BAG4: variants seen among roughly 807,000 people sequenced by gnomAD.
The protein encoded by BAG4 is BAG cochaperone 4.
Under a neutral mutation model 52.1 loss-of-function variants are expected in BAG4, and 28 were observed. That is an observed-to-expected ratio of 0.54 (90% CI 0.40 to 0.74). The LOEUF is 0.74. BAG4 is among the 30% of genes least tolerant of loss of function. BAG4 has a pLI of 0.00. For missense variants in BAG4, 525 were observed against 572.0 expected (o/e 0.92, Z 0.84); for synonymous variants, 208 against 217.0 (o/e 0.96, Z 0.37).
At chr8:38,185,579 A>G (rs1292379772) in intron 1 of BAG4, among the ~76,000 whole-genome samples, 1 of 152,048 alleles carries the variant, frequency 6.6e-6, no homozygotes, top group East Asian at 1.9e-4. Flanking sequence ...TTTTTTAGAC[A>G]GAGTCTCGCT....
intron 1 of BAG4, among the ~76,000 whole-genome samples, chr8:38,182,258 T>C (rs952206082): frequency 6.6e-6 from 1 of 152,254 alleles, no homozygotes; most frequent in African/African-American, 2.4e-5. Context: ...AAATAACTTA[T>C]GTACTTTACT....
chr8:38,194,409 CTT>C (rs750931003), intron 2 of BAG4, among the ~76,000 whole-genome samples: 2 of 78,612 alleles, frequency 2.5e-5, no homozygotes, highest in South Asian at 4.2e-4. Flanking sequence ...TAGGTGTGTA[CTT>C]TTTTTTTTTT....
chr8:38,182,033 A>T (rs1056434302), intron 1 of BAG4, among the ~76,000 whole-genome samples: 1 of 151,674 alleles, frequency 6.6e-6, no homozygotes, highest in Non-Finnish European at 1.5e-5. Flanking sequence ...TTCGTGGTGG[A>T]GTAGGAAGCT....
In BAG4 at chr8:38,207,560, G is replaced by C. The variant is rs770204996; in HGVS notation, c.427G>C (p.Gly143Arg). 6.2e-7 allele frequency: 1 copy of C among 1,613,880 alleles called. No individual in the cohort carries two copies. The highest frequency in any genetic ancestry group is 1.1e-5 in the South Asian group (1 of 91,070). Residue 143 changes from glycine to arginine, a missense_variant, in exon 3 of 5, where the codon GGC becomes CGC. Physicochemically the swap from Gly to Arg is moderately radical, Grantham distance 125. Around this residue, in one of 2 missense-constraint regions of BAG4, gnomAD observed 287 missense variants for 266.1 expected, o/e 1.08. Coordinates refer to ENST00000287322, the MANE Select transcript of BAG4 (RefSeq NM_004874.4). Reference sequence around the variant, plus strand: ...AGCGTATGGTCCAACATACCCCCCAGGCCCTGGGGCAAATACTGCCTCATA... The same window carrying C: ...AGCGTATGGTCCAACATACCCCCCACGCCCTGGGGCAAATACTGCCTCATA... ...NGAYGPTYPP[G>R]PGANTASYSG...
chr8:38,194,750 T>C (rs1270914552), intron 2 of BAG4, among the ~76,000 whole-genome samples: 3 of 151,760 alleles, frequency 2.0e-5, no homozygotes, highest in East Asian at 1.9e-4. Context: ...GCCAAATTAC[T>C]TTTCAAAATG....
chr8:38,202,058 TA>T (rs1169793109), intron 2 of BAG4: 2 of 151,516 alleles, frequency 1.3e-5, no homozygotes, highest in Non-Finnish European at 2.9e-5. Context: ...ATTCTTTAAC[TA>T]ATAGTGTGGA....
intron 1 of BAG4, among the ~76,000 whole-genome samples, chr8:38,182,635 G>A (rs541645858): frequency 8.5e-5 from 13 of 152,212 alleles, no homozygotes; most frequent in African/African-American, 3.1e-4. Context: ...GAAAGAGTTA[G>A]GCACATGATA....
intron 1 of BAG4, among the ~76,000 whole-genome samples, chr8:38,190,617 T>TTC (rs397891482): frequency 1.3e-5 from 2 of 151,094 alleles, no homozygotes; most frequent in African/African-American, 4.9e-5. Flanking sequence ...TTTTTTTTTT[T>TTC]GGGTAAAGAC....
In BAG4 at chr8:38,181,756, T is replaced by C. The variant is rs116877418; in HGVS notation, c.270+4617T>C. Among the ~76,000 whole-genome samples, 85 of 150,980 alleles carry C rather than the reference T, an allele frequency of 5.6e-4. No individual in the cohort carries two copies. The East Asian group carries it at 0.014, about 25-fold the overall frequency. On this transcript the variant is annotated intron_variant, in intron 1 of 4. Coordinates refer to ENST00000287322, the MANE Select transcript of BAG4 (RefSeq NM_004874.4). ...TGTCCCAGAAAAAGAAAAACAAAAA[T>C]TAGCCGGGCGTGGTGGCGGGCGCCT...
At chr8:38,178,268 C>T (rs1338665289) in intron 1 of BAG4, among the ~76,000 whole-genome samples, 1 of 151,868 alleles carries the variant, frequency 6.6e-6, no homozygotes, top group Admixed American at 6.6e-5. Flanking sequence ...GATTCTCCTG[C>T]CTCAGCCTCT....
At chr8:38,189,044 G>A (rs2130670255) in intron 1 of BAG4, among the ~76,000 whole-genome samples, 1 of 150,404 alleles carries the variant, frequency 6.6e-6, no homozygotes, top group Middle Eastern at 3.5e-3. Flanking sequence ...CTACACCTCT[G>A]CTTCCTGGGT....
chr8:38,201,298 A>G lies in BAG4; in HGVS notation c.379-6214A>G, dbSNP rs565389404. On this transcript the variant is annotated intron_variant, in intron 2 of 4. Transcript: ENST00000287322. ...GCGAAACATCACATGGGGATTATAC[A>G]TTTATCATCATCTTTTTTTTGTTTG... is the stretch of plus-strand genomic sequence containing the variant. 1.2e-4 allele frequency among the ~76,000 whole-genome samples: 18 copies of G among 152,254 alleles called. No homozygotes were observed. In the South Asian group the frequency reaches 2.7e-3, roughly 23 times the overall value.
At position 38,191,760 on chromosome 8, in the gene BAG4, C is replaced by CAA. The variant is rs35851034; in HGVS notation, c.271-907_271-906dup. 5.2e-3 allele frequency among the ~76,000 whole-genome samples: 369 copies of CAA among 71,218 alleles called. 1 individual carries two copies. Among genetic ancestry groups the CAA allele is most frequent in the East Asian group, 0.015 (43 of 2,856 alleles). The allele number at this position is 71,218 out of a possible 152,430, so 46.7% of individuals were successfully genotyped here. On this transcript the variant is annotated intron_variant, in intron 1 of 4. Transcript: ENST00000287322. ...GGGCAACAAGAGCGAAACTCTGTCTCAAAAAAAAAAAAAAAAAAAAAACCC... is the reference window on the plus strand; with the variant it reads ...GGGCAACAAGAGCGAAACTCTGTCTCAAAAAAAAAAAAAAAAAAAAAAAACCC...
intron 2 of BAG4, among the ~76,000 whole-genome samples, chr8:38,193,785 C>T (rs909412895): frequency 6.6e-6 from 1 of 150,392 alleles, no homozygotes; most frequent in African/African-American, 2.5e-5. Flanking sequence ...TGTCGCCAGG[C>T]TGGAGTGCAG....
Position 38,192,710 on chromosome 8 carries a change from A to G in BAG4, c.293A>G (p.Tyr98Cys), listed in dbSNP as rs537121062. ...SHQEQPPYPSYNSNYWNSTAR... is the reference protein window; with the variant it reads ...SHQEQPPYPSCNSNYWNSTAR... ...TAGGAGCAGCCACCATATCCTAGCT[A>G]CAATTCTAACTATTGGAATTCTACT... is the stretch of plus-strand genomic sequence containing the variant. Residue 98 changes from tyrosine (Y) to cysteine (C), a missense_variant, in exon 2 of 5, where the codon TAC becomes TGC. Tyr to Cys is a radical substitution (Grantham distance 194, BLOSUM62 -2). Around this residue, in one of 2 missense-constraint regions of BAG4, gnomAD observed 287 missense variants for 266.1 expected, o/e 1.08. Transcript: ENST00000287322. The G allele has an allele frequency of 2.5e-4, 398 of 1,612,214 alleles. 4 individuals are homozygous for G. In the South Asian group the frequency reaches 4.0e-3, roughly 16 times the overall value.
intron 2 of BAG4, among the ~76,000 whole-genome samples, chr8:38,194,062 G>A (rs1803522482): frequency 6.6e-6 from 1 of 152,032 alleles, no homozygotes; most frequent in Non-Finnish European, 1.5e-5. Flanking sequence ...AGTAGAGATG[G>A]GGTTTCACCA....
intron 2 of BAG4, 63 bp downstream of exon 2, chr8:38,192,858 C>T (rs1803498818): frequency 7.5e-7 from 1 of 1,326,404 alleles, no homozygotes; most frequent in Admixed American, 2.3e-5. Context: ...TTTTCAAAAC[C>T]TGTGCAGATT....
chr8:38,212,637 T>C lies in BAG4; in HGVS notation c.*2144T>C, dbSNP rs1199675074. ...CATGCCTACGTCCTGTCTTCCAGTCTGTGACAGTGTATCATAACAGGGGAT... is the reference window on the plus strand; with the variant it reads ...CATGCCTACGTCCTGTCTTCCAGTCCGTGACAGTGTATCATAACAGGGGAT... On this transcript the variant is annotated 3_prime_UTR_variant, in exon 5 of 5. Coordinates refer to ENST00000287322, the MANE Select transcript of BAG4 (RefSeq NM_004874.4). 1.3e-5 allele frequency: 2 copies of C among 152,246 alleles called. No individual in the cohort carries two copies. Among genetic ancestry groups the C allele is most frequent in the Non-Finnish European group, 2.9e-5 (2 of 68,032 alleles). 9.4% of individuals were successfully genotyped at this position (152,246 alleles called of 1,614,324 possible). A position where few individuals can be genotyped will look rare whatever the true frequency, so the allele number is the denominator to read the frequency against.
At chr8:38,188,912 A>G (rs145558780) in intron 1 of BAG4, among the ~76,000 whole-genome samples, 3,000 of 148,272 alleles carry the variant, frequency 0.02, 87 homozygotes, top group African/African-American at 0.071. Context: ...TCCTGCCTCA[A>G]CCTCCCAAGT....
Sources: allele counts gnomAD v4.1 joint callset (sites outside exome capture counted in the v4.1 genomes callset), GRCh38; gene constraint gnomAD v4.1.1; regional missense constraint gnomAD v4.1.1; transcripts MANE v1.5; gene names NCBI Gene and HGNC (gene_info 2026-07-23, HGNC 2026-07-21).